NR6A1: variants seen among roughly 807,000 people sequenced by gnomAD.
NR6A1 encodes retinoic acid receptor-related testis-associated receptor.
A neutral mutation model predicts 59.1 loss-of-function variants in NR6A1; 7 were observed. The ratio of observed to expected loss-of-function variants is 0.12; its 90% CI spans 0.07 to 0.22. The LOEUF is 0.22. Ranked by LOEUF, NR6A1 falls within the 10% of genes least tolerant of loss-of-function variation. The pLI is 1.00. For synonymous variants in NR6A1, 243 were observed against 236.1 expected (o/e 1.03, Z -0.27); for missense variants, 468 against 611.6 (o/e 0.77, Z 2.48).
chr9:124,534,789 A>G (rs2131342001), intron 7 of NR6A1, among the ~76,000 whole-genome samples: 1 of 152,250 alleles, frequency 6.6e-6, no homozygotes, highest in Non-Finnish European at 1.5e-5. Context: ...TAGGCACAAC[A>G]CCACCTATAA....
At position 124,642,384 on chromosome 9, in the gene NR6A1, A is replaced by C. The variant is rs1432321084; in HGVS notation, c.143-87814T>G. Among the ~76,000 whole-genome samples, 8 of 152,182 alleles carry C rather than the reference A, an allele frequency of 5.3e-5. No homozygotes were observed. The South Asian group carries it at 1.7e-3, about 32-fold the overall frequency. ...TTTATTTATTATCTATAAAATGGGG[A>C]TGGTAAGACCCATGTAAATGGTTGC... On this transcript the variant is annotated intron_variant, in intron 2 of 9. Transcript: ENST00000487099.
intron 2 of NR6A1, among the ~76,000 whole-genome samples, chr9:124,647,385 T>C (rs1836959371): frequency 1.3e-5 from 2 of 151,964 alleles, no homozygotes; most frequent in African/African-American, 4.8e-5. Context: ...GCCAATAACT[T>C]GGAAAATCTA....
intron 7 of NR6A1, among the ~76,000 whole-genome samples, chr9:124,531,856 C>G (rs1021443595): frequency 1.3e-5 from 2 of 152,220 alleles, no homozygotes; most frequent in African/African-American, 4.8e-5. Flanking sequence ...GTGCTCCACT[C>G]TCTGTCTCCA....
At chr9:124,639,903 A>C (rs1328086687) in intron 2 of NR6A1, among the ~76,000 whole-genome samples, 1 of 152,204 alleles carries the variant, frequency 6.6e-6, no homozygotes, top group African/African-American at 2.4e-5. Context: ...TATATACAAC[A>C]TTAGAACATT....
intron 2 of NR6A1, among the ~76,000 whole-genome samples, chr9:124,619,409 G>A (rs1358259822): frequency 1.3e-5 from 2 of 151,878 alleles, no homozygotes; most frequent in South Asian, 2.1e-4. Context: ...GACTACAAGC[G>A]CCTGCCACCA....
chr9:124,744,401 T>C (rs559610201), intron 1 of NR6A1, among the ~76,000 whole-genome samples: 41 of 152,344 alleles, frequency 2.7e-4, no homozygotes, highest in African/African-American at 9.1e-4. Flanking sequence ...AAATAGCTAC[T>C]ATTGTCTCCA....
intron 1 of NR6A1, among the ~76,000 whole-genome samples, chr9:124,761,311 C>T (rs1417416766): frequency 6.6e-6 from 1 of 152,084 alleles, no homozygotes; most frequent in Non-Finnish European, 1.5e-5. Context: ...GGAAGGAAGC[C>T]CAAATAATTA....
chr9:124,639,107 C>A (rs1836701453), intron 2 of NR6A1, among the ~76,000 whole-genome samples: 1 of 152,136 alleles, frequency 6.6e-6, no homozygotes, highest in Non-Finnish European at 1.5e-5. Flanking sequence ...AATCCTTAAA[C>A]AAACTCTATG....
rs11366819 is a variant in NR6A1, at chr9:124,621,483, T to TA, written c.143-66914dup. Among the ~76,000 whole-genome samples the TA allele has an allele frequency of 9.2e-3, 1,326 of 143,472 alleles. 8 individuals carry two copies. Among genetic ancestry groups the TA allele is most frequent in the Admixed American group, 0.014 (200 of 14,386 alleles). 94.1% of individuals were successfully genotyped at this position (143,472 alleles called of 152,430 possible). A position where few individuals can be genotyped will look rare whatever the true frequency, so the allele number is the denominator to read the frequency against. On this transcript the variant is annotated intron_variant, in intron 2 of 9. Transcript: ENST00000487099. ...GAAACACAGTGAGACCCAATATCTT[T>TA]AAAAAAAAAAAAAAAGAATGAGTGG...
intron 2 of NR6A1, among the ~76,000 whole-genome samples, chr9:124,679,942 C>T (rs905131105): frequency 6.7e-6 from 1 of 150,294 alleles, no homozygotes; most frequent in Non-Finnish European, 1.5e-5. Context: ...AAAGACCTAA[C>T]ACCCACCAAA....
intron 6 of NR6A1, among the ~76,000 whole-genome samples, chr9:124,537,128 C>T (rs1833292507): frequency 6.7e-6 from 1 of 149,400 alleles, no homozygotes; most frequent in African/African-American, 2.5e-5. Flanking sequence ...AGCTGGAGTG[C>T]AGTGGCGCAA....
chr9:124,692,433 GGA>G (rs767965307), intron 2 of NR6A1: 2 of 527,730 alleles, frequency 3.8e-6, no homozygotes, highest in South Asian at 2.8e-5. Context: ...GATGTGGATG[GGA>G]GAATGAAGAA....
intron 2 of NR6A1, among the ~76,000 whole-genome samples, chr9:124,594,143 A>C (rs886809934): frequency 4.3e-5 from 5 of 115,858 alleles, no homozygotes; most frequent in African/African-American, 1.4e-4. Context: ...TTGCCTCTTA[A>C]GATTCCAAAA....
intron 2 of NR6A1, among the ~76,000 whole-genome samples, chr9:124,643,652 CTA>C (rs1836836842): frequency 1.4e-5 from 2 of 146,848 alleles, no homozygotes; most frequent in African/African-American, 5.0e-5. Context: ...TAAGTTCTAG[CTA>C]CTTAGGAGGC....
intron 2 of NR6A1, among the ~76,000 whole-genome samples, chr9:124,702,188 T>C (rs1207526369): frequency 6.6e-6 from 1 of 152,238 alleles, no homozygotes; most frequent in Non-Finnish European, 1.5e-5. Context: ...AAGAGGTCTT[T>C]GCCTAACCCA....
chr9:124,738,118 G>A (rs1322846030), intron 1 of NR6A1, among the ~76,000 whole-genome samples: 2 of 152,266 alleles, frequency 1.3e-5, no homozygotes, highest in Non-Finnish European at 1.5e-5. Flanking sequence ...GTCTGGCGTG[G>A]TGGTGCACAC....
intron 2 of NR6A1, among the ~76,000 whole-genome samples, chr9:124,577,177 C>T (rs1421098949): frequency 1.3e-5 from 2 of 152,168 alleles, no homozygotes; most frequent in Non-Finnish European, 2.9e-5. Context: ...AATTTATAGG[C>T]CTCTATTAGA....
chr9:124,771,183 T>A lies in NR6A1; in HGVS notation c.-64A>T. The A allele has an allele frequency of 1.0e-6, 1 of 961,626 alleles. No homozygotes were observed. The highest frequency in any genetic ancestry group is 1.3e-6 in the Non-Finnish European group (1 of 740,872). 59.6% of individuals were successfully genotyped at this position (961,626 alleles called of 1,614,324 possible). A position where few individuals can be genotyped will look rare whatever the true frequency, so the allele number is the denominator to read the frequency against. ...GCCATGACCGGCGCCCTAGTCGCCG[T>A]GGTCGTCGTCCGCCGAGGGGAGGAG... On this transcript the variant is annotated 5_prime_UTR_variant, in exon 1 of 10. Transcript: ENST00000487099.
intron 1 of NR6A1, among the ~76,000 whole-genome samples, chr9:124,755,910 A>C (rs981555188): frequency 6.6e-6 from 1 of 152,342 alleles, no homozygotes; most frequent in Non-Finnish European, 1.5e-5. Context: ...TTTGATGTTA[A>C]GATGGGGAAA....
Sources: gnomAD v4.1 joint callset for allele counts (sites outside exome capture counted in the v4.1 genomes callset) on GRCh38, gnomAD v4.1.1 for gene constraint, MANE v1.5 for transcripts, NCBI Gene and HGNC (gene_info 2026-07-23, HGNC 2026-07-21) for gene names.